Variants in RIMS1 observed in about 807,000 individuals in gnomAD.
The protein encoded by RIMS1 is regulating synaptic membrane exocytosis 1.
A neutral mutation model predicts 214.1 loss-of-function variants in RIMS1; 83 were observed. That is an observed-to-expected ratio of 0.39 (90% confidence interval 0.32 to 0.47). The LOEUF is 0.47. Among genes scored for constraint, RIMS1 ranks in the 20% least tolerant of loss-of-function variants. The pLI is 0.99. For synonymous variants in RIMS1, 793 were observed against 786.8 expected (o/e 1.01, Z -0.13); for missense variants, 2,050 against 2,161.8 (o/e 0.95, Z 1.03).
intron 1 of RIMS1, among the ~76,000 whole-genome samples, chr6:71,905,921 C>G (rs543460251): frequency 6.6e-6 from 1 of 152,130 alleles, no homozygotes; most frequent in Non-Finnish European, 1.5e-5. Context: ...CTCTATCACC[C>G]TCCTTTTAAA....
chr6:72,371,678 T>C (rs1004496009), intron 29 of RIMS1, among the ~76,000 whole-genome samples: 1 of 152,172 alleles, frequency 6.6e-6, no homozygotes, highest in South Asian at 2.1e-4. Context: ...CCTGAAGTGC[T>C]GGCCAGCATT....
At chr6:71,926,721 GT>G (rs1213371365) in intron 1 of RIMS1, among the ~76,000 whole-genome samples, 1 of 152,114 alleles carries the variant, frequency 6.6e-6, no homozygotes, top group African/African-American at 2.4e-5. Context: ...ACTTCTAAGT[GT>G]TTAACTTCTA....
chr6:72,362,089 C>T (rs2097848856), intron 29 of RIMS1, among the ~76,000 whole-genome samples: 1 of 152,096 alleles, frequency 6.6e-6, no homozygotes, highest in Middle Eastern at 3.4e-3. Context: ...CCAAAGCACA[C>T]TGATATCCAT....
intron 28 of RIMS1, among the ~76,000 whole-genome samples, chr6:72,331,536 A>C (rs1318661973): frequency 2.0e-5 from 3 of 151,826 alleles, no homozygotes; most frequent in African/African-American, 7.2e-5. Flanking sequence ...TGCAAGTAAA[A>C]TAGTAAAGAA....
intron 2 of RIMS1, among the ~76,000 whole-genome samples, chr6:72,016,795 CA>C (rs1812905773): frequency 1.3e-5 from 2 of 152,008 alleles, no homozygotes; most frequent in Non-Finnish European, 2.9e-5. Flanking sequence ...TATGTGAACA[CA>C]AAGTAGATGA....
At chr6:72,164,058 C>A (rs899529031) in intron 4 of RIMS1, among the ~76,000 whole-genome samples, 2 of 152,208 alleles carry the variant, frequency 1.3e-5, no homozygotes, top group African/African-American at 4.8e-5. Flanking sequence ...GCTTCCCGGC[C>A]ACTTTGTTTA....
At chr6:72,258,491 G>T (rs1017192183) in intron 17 of RIMS1, among the ~76,000 whole-genome samples, 9 of 152,090 alleles carry the variant, frequency 5.9e-5, no homozygotes, top group Non-Finnish European at 1.3e-4. Flanking sequence ...AGCAGAAGTT[G>T]TTTATGTCCC....
intron 1 of RIMS1, among the ~76,000 whole-genome samples, chr6:71,909,763 T>C (rs143905154): frequency 6.6e-6 from 1 of 152,244 alleles, no homozygotes; most frequent in Admixed American, 6.6e-5. Context: ...TTTGTAATTA[T>C]TGATAATGCT....
At chr6:71,981,009 A>G (rs958462125) in intron 2 of RIMS1, among the ~76,000 whole-genome samples, 8 of 152,132 alleles carry the variant, frequency 5.3e-5, no homozygotes, top group African/African-American at 1.9e-4. Context: ...ATCCACAGAA[A>G]AGAAGATTCT....
At chr6:72,095,446 T>C (rs1345277069) in intron 2 of RIMS1, among the ~76,000 whole-genome samples, 1 of 152,218 alleles carries the variant, frequency 6.6e-6, no homozygotes, top group East Asian at 1.9e-4. Flanking sequence ...CAGATATTCT[T>C]GCATTCATTA....
intron 24 of RIMS1, among the ~76,000 whole-genome samples, chr6:72,287,376 A>T (rs1380776685): frequency 6.6e-6 from 1 of 152,202 alleles, no homozygotes; most frequent in Admixed American, 6.5e-5. Context: ...GGTAGAAGCA[A>T]TTTACTGCAA....
chr6:71,982,963 T>C (rs1007189506), intron 2 of RIMS1, among the ~76,000 whole-genome samples: 7 of 152,132 alleles, frequency 4.6e-5, no homozygotes, highest in African/African-American at 1.4e-4. Flanking sequence ...CAATATTCCC[T>C]ACTCATTGAA....
chr6:72,062,047 G>A (rs572359794), intron 2 of RIMS1, among the ~76,000 whole-genome samples: 3 of 152,332 alleles, frequency 2.0e-5, no homozygotes, highest in South Asian at 2.1e-4. Flanking sequence ...GGACTATTGG[G>A]ACAGAGGAAT....
intron 6 of RIMS1, among the ~76,000 whole-genome samples, chr6:72,231,430 TAATG>T (rs1295898124): frequency 1.3e-5 from 2 of 151,724 alleles, no homozygotes; most frequent in African/African-American, 2.4e-5. Flanking sequence ...TATGCTAAAA[TAATG>T]AATGTGTTTT....
chr6:72,019,019 G>A (rs1036739839), intron 2 of RIMS1, among the ~76,000 whole-genome samples: 5 of 151,974 alleles, frequency 3.3e-5, no homozygotes, highest in Admixed American at 6.6e-5. Flanking sequence ...ACTAAGAGGC[G>A]GCAGTGTGAT....
At chr6:72,351,741 G>T (rs2097455064) in intron 29 of RIMS1, among the ~76,000 whole-genome samples, 1 of 152,092 alleles carries the variant, frequency 6.6e-6, no homozygotes. Flanking sequence ...ATGTATAATT[G>T]CCTGTAAATA....
intron 31 of RIMS1, among the ~76,000 whole-genome samples, chr6:72,396,928 G>T (rs533123326): frequency 3.3e-5 from 5 of 152,136 alleles, no homozygotes; most frequent in African/African-American, 1.2e-4. Flanking sequence ...CAGGAGAATC[G>T]CTTCAGCCCA....
At chr6:72,123,895 C>T (rs11759834) in intron 4 of RIMS1, among the ~76,000 whole-genome samples, 1 of 151,702 alleles carries the variant, frequency 6.6e-6, no homozygotes, top group South Asian at 2.1e-4. Context: ...TTCCTGAATA[C>T]AGCACACTGA....
intron 29 of RIMS1, among the ~76,000 whole-genome samples, chr6:72,355,598 A>C (rs902315547): frequency 6.6e-6 from 1 of 152,176 alleles, no homozygotes; most frequent in Non-Finnish European, 1.5e-5. Context: ...GATTTTTTAC[A>C]CTGAAAAATT....
Sources: allele counts gnomAD v4.1 joint callset (sites outside exome capture counted in the v4.1 genomes callset), GRCh38; gene constraint gnomAD v4.1.1; transcripts MANE v1.5; gene names NCBI Gene and HGNC (gene_info 2026-07-23, HGNC 2026-07-21).